NRXN3: variants seen among roughly 807,000 people sequenced by gnomAD.
NRXN3 encodes the protein neurexin III.
A neutral mutation model predicts 137.6 loss-of-function variants in NRXN3; 32 were observed. The observed-to-expected ratio is 0.23, with a 90% CI of 0.18 to 0.31. The LOEUF (loss-of-function observed/expected upper bound fraction) is 0.31. Among genes scored for constraint, NRXN3 ranks in the 10% least tolerant of loss-of-function variants. NRXN3 has a pLI of 1.00. For synonymous variants in NRXN3, 798 were observed against 784.5 expected, an observed-to-expected ratio of 1.02 and a Z score of -0.29; for missense variants, 1,574 against 2,062.5, an observed-to-expected ratio of 0.76 and a Z score of 4.59.
intron 16 of NRXN3, among the ~76,000 whole-genome samples, chr14:79,584,096 T>TA (rs1019317554): frequency 1.7e-5 from 2 of 117,466 alleles, no homozygotes. Context: ...ATTACTAGGA[T>TA]AATTTTTTCT....
chr14:79,828,811 T>C (rs904294030), intron 20 of NRXN3, among the ~76,000 whole-genome samples: 1 of 152,028 alleles, frequency 6.6e-6, no homozygotes, highest in South Asian at 2.1e-4. Flanking sequence ...TACAGCCTGA[T>C]TGAGAGAGAC....
At chr14:79,414,045 G>T (rs544439802) in intron 15 of NRXN3, among the ~76,000 whole-genome samples, 1 of 152,088 alleles carries the variant, frequency 6.6e-6, no homozygotes, top group East Asian at 1.9e-4. Flanking sequence ...TCAATCAAGA[G>T]CTTTCATGTA....
intron 20 of NRXN3, among the ~76,000 whole-genome samples, chr14:79,825,206 CTTT>C (rs11449914): frequency 5.1e-5 from 6 of 117,768 alleles, no homozygotes; most frequent in Admixed American, 9.1e-5. Flanking sequence ...TCTTTGTGTG[CTTT>C]TTTTTTTTTT....
intron 17 of NRXN3, among the ~76,000 whole-genome samples, chr14:79,675,025 T>C (rs1245443419): frequency 6.6e-6 from 1 of 152,004 alleles, no homozygotes; most frequent in Non-Finnish European, 1.5e-5. Flanking sequence ...CATCATAGCA[T>C]CCTGGAAAGG....
chr14:78,229,363 T>C (rs1368325403), intron 1 of NRXN3, among the ~76,000 whole-genome samples: 1 of 152,032 alleles, frequency 6.6e-6, no homozygotes, highest in Admixed American at 6.6e-5. Context: ...AGGGTCCTGA[T>C]AGTTGAGCTG....
chr14:79,669,407 ATCAC>A lies in NRXN3; in HGVS notation c.3616+5462_3616+5465del, dbSNP rs552774645. ...ATTCAGTCACAAAATGTATCAATTA[ATCAC>A]TCAAACTAGTGTATCTTGAATATTC... is the stretch of plus-strand genomic sequence containing the variant. On this transcript the variant is annotated intron_variant, in intron 17 of 20. Coordinates refer to ENST00000335750, the MANE Select transcript of NRXN3 (RefSeq NM_001330195.2). 2.6e-5 allele frequency among the ~76,000 whole-genome samples: 4 copies of A among 152,250 alleles called. No individual in the cohort carries two copies. The East Asian group carries it at 7.7e-4, about 29-fold the overall frequency.
intron 6 of NRXN3, among the ~76,000 whole-genome samples, chr14:78,685,629 C>CTTTTT (rs36106336): frequency 1.2e-5 from 1 of 80,216 alleles, no homozygotes; most frequent in Non-Finnish European, 2.5e-5. Context: ...AGAAATGTCA[C>CTTTTT]TTTTTTTTTT....
intron 5 of NRXN3, chr14:78,649,199 T>C (rs2097715274): frequency 8.8e-7 from 1 of 1,136,274 alleles, no homozygotes; most frequent in Non-Finnish European, 1.2e-6. Flanking sequence ...TCTTTGTTTT[T>C]AGTTTTTTTA....
chr14:79,819,482 C>CTTTTTCTTTTTTT (rs2099263810), intron 20 of NRXN3, among the ~76,000 whole-genome samples: 1 of 71,908 alleles, frequency 1.4e-5, no homozygotes, highest in African/African-American at 6.4e-5. Context: ...ACATTAAAAG[C>CTTTTTCTTTTTTT]TTTTTTTTTT....
chr14:78,803,533 C>T (rs1309995215), intron 8 of NRXN3, 87 bp from the exon 9 acceptor site: 3 of 1,232,406 alleles, frequency 2.4e-6, no homozygotes, highest in Non-Finnish European at 3.6e-6. Flanking sequence ...CTGGCACCCT[C>T]TCTACTCGCT....
At chr14:79,058,416 A>G (rs192365034) in intron 15 of NRXN3, among the ~76,000 whole-genome samples, 26 of 152,260 alleles carry the variant, frequency 1.7e-4, no homozygotes, top group Non-Finnish European at 1.5e-5. Context: ...ACAATGGAAC[A>G]CAGGCTTGAG....
At position 79,175,066 on chromosome 14, in the gene NRXN3, C is replaced by T. The variant is rs556829391; in HGVS notation, c.3262+186925C>T. On this transcript the variant is annotated intron_variant, in intron 15 of 20. Transcript: ENST00000335750. ...TGCCATCTCGGCTCACTGCAAGCTCCGTCTCCCGGGTTCACGCCATTCTCC... is the reference window on the plus strand; with the variant it reads ...TGCCATCTCGGCTCACTGCAAGCTCTGTCTCCCGGGTTCACGCCATTCTCC... Among the ~76,000 whole-genome samples, 6 of 150,788 alleles carry T rather than the reference C, an allele frequency of 4.0e-5. No individual in the cohort carries two copies. The East Asian group carries it at 9.8e-4, about 25-fold the overall frequency.
intron 10 of NRXN3, among the ~76,000 whole-genome samples, chr14:78,914,321 A>G (rs1478758392): frequency 6.6e-6 from 1 of 152,258 alleles, no homozygotes; most frequent in African/African-American, 2.4e-5. Flanking sequence ...CAAAAGAAAC[A>G]AAAATACCTG....
chr14:78,565,501 C>A (rs936505600), intron 4 of NRXN3, among the ~76,000 whole-genome samples: 1 of 152,170 alleles, frequency 6.6e-6, no homozygotes, highest in Admixed American at 6.5e-5. Context: ...AGTTCAAGTC[C>A]ATAAGCAGAC....
At chr14:78,205,228 T>G (rs2062067957) in intron 1 of NRXN3, among the ~76,000 whole-genome samples, 1 of 152,240 alleles carries the variant, frequency 6.6e-6, no homozygotes, top group South Asian at 2.1e-4. Context: ...TAAGTATTTC[T>G]GACAATGACA....
chr14:78,885,076 TATA>T (rs2099139623), intron 10 of NRXN3, among the ~76,000 whole-genome samples: 1 of 151,080 alleles, frequency 6.6e-6, no homozygotes, highest in African/African-American at 2.4e-5. Context: ...GATTGTAAAA[TATA>T]ATGCAGTGAG....
intron 10 of NRXN3, among the ~76,000 whole-genome samples, chr14:78,831,610 T>C (rs1023548632): frequency 6.6e-6 from 1 of 151,720 alleles, no homozygotes; most frequent in Admixed American, 6.6e-5. Context: ...TTAGCAGAGT[T>C]TTCATGGGTG....
At chr14:79,839,139 T>TAAG (rs2099350338) in intron 20 of NRXN3, among the ~76,000 whole-genome samples, 1 of 151,942 alleles carries the variant, frequency 6.6e-6, no homozygotes, top group Non-Finnish European at 1.5e-5. Context: ...GAGGGTACTT[T>TAAG]CTTATGCTGG....
intron 10 of NRXN3, among the ~76,000 whole-genome samples, chr14:78,866,794 CTTTTTTTTT>C (rs1208179961): frequency 8.4e-6 from 1 of 119,120 alleles, no homozygotes; most frequent in East Asian, 2.5e-4. Context: ...TTACCTTCAT[CTTTTTTTTT>C]TTTTTTTTTT....
Sources: allele counts gnomAD v4.1 joint callset (sites outside exome capture counted in the v4.1 genomes callset), GRCh38; gene constraint gnomAD v4.1.1; transcripts MANE v1.5; gene names NCBI Gene and HGNC (gene_info 2026-07-23, HGNC 2026-07-21).